COL17A1: variants seen among roughly 807,000 people sequenced by gnomAD.
COL17A1 encodes collagen alpha-1(XVII) chain.
Under a neutral mutation model 218.4 loss-of-function variants are expected in COL17A1, and 181 were observed. The observed-to-expected ratio is 0.83, with a 90% CI of 0.73 to 0.94. The LOEUF (loss-of-function observed/expected upper bound fraction) is 0.94, where lower values mean the gene tolerates loss of function less well. Among genes scored for constraint, COL17A1 ranks in the 40% least tolerant of loss-of-function variants. The pLI is 0.00. For synonymous variants in COL17A1, 721 were observed against 731.0 expected, an observed-to-expected ratio of 0.99 and a Z score of 0.22; for missense variants, 1,924 against 1,945.9, an observed-to-expected ratio of 0.99 and a Z score of 0.21.
At chr10:104,070,274 G>A in intron 9 of COL17A1, 152 bp downstream of exon 9, 3 of 1,493,612 alleles carry the variant, frequency 2.0e-6, no homozygotes, top group Non-Finnish European at 2.7e-6. Flanking sequence ...GTTGCTATTA[G>A]GGAAAGCCCT....
In COL17A1 at chr10:104,045,764, T is replaced by A. The variant is rs767013139; in HGVS notation, c.2392A>T (p.Ile798Leu). The change falls in exon 33 of 56, where the codon ATA becomes TTA. Residue 798 changes from isoleucine to leucine, a missense_variant. Ile to Leu is a conservative substitution (Grantham distance 5). Transcript: ENST00000648076. ...CATTTGGAAATTCACTTACCTTTTA[T>A]TCCTGGTCGGCCAGGGGTACCGGGA... ...GLPGTPGRPG[I>L]KGEPGAPGKI... 6.2e-6 allele frequency: 10 copies of A among 1,612,030 alleles called. No homozygotes were observed. The highest frequency in any genetic ancestry group is 7.6e-6 in the Non-Finnish European group (9 of 1,177,992).
In COL17A1 at chr10:104,033,043, A is replaced by C. The variant is rs1386635381; in HGVS notation, c.4295-75T>G. On this transcript the variant is annotated intron_variant, in intron 53 of 55. Transcript: ENST00000648076. ...TTGGGACATCAAGTCATTTGTTCAG[A>C]GTAACACAGAGAGATAGTGATGGAG... is the stretch of plus-strand genomic sequence containing the variant. 2.6e-6 allele frequency: 4 copies of C among 1,560,024 alleles called. No homozygotes were observed. The African/African-American group carries it at 5.4e-5, about 21-fold the overall frequency.
chr10:104,033,924 G>A, intron 52 of COL17A1, 21 bp downstream of exon 52: 1 of 1,614,048 alleles, frequency 6.2e-7, no homozygotes, highest in Non-Finnish European at 8.5e-7. Context: ...CCAGCACCAA[G>A]GCCTAAATGT....
At chr10:104,053,526 C>T (rs1345281016) in intron 22 of COL17A1, among the ~76,000 whole-genome samples, 1 of 151,966 alleles carries the variant, frequency 6.6e-6, no homozygotes, top group Non-Finnish European at 1.5e-5. Flanking sequence ...TTGGCTGCTC[C>T]CTCTGCCTGG....
intron 8 of COL17A1, 80 bp downstream of exon 8, chr10:104,071,952 G>T: frequency 4.5e-6 from 7 of 1,572,778 alleles, no homozygotes; most frequent in Non-Finnish European, 6.1e-6. Context: ...ACACACACAC[G>T]CATGCACACA....
At chr10:104,076,251 G>A (rs1349714169) in intron 5 of COL17A1, 50 bp downstream of exon 5, 1 of 1,612,394 alleles carries the variant, frequency 6.2e-7, no homozygotes, top group East Asian at 2.2e-5. Flanking sequence ...AATGAGTGAA[G>A]TTGCTTGGGG....
intron 12 of COL17A1, 47 bp downstream of exon 12, chr10:104,062,211 A>C (rs1339712508): frequency 6.2e-7 from 1 of 1,614,104 alleles, no homozygotes; most frequent in South Asian, 1.1e-5. Context: ...GTAGCTGCAA[A>C]GAGGTGTCAC....
rs181749452 is a variant in COL17A1 at position 104,048,226 on chromosome 10, C to T, written c.2228-122G>A. On this transcript the variant is annotated intron_variant, in intron 29 of 55. Coordinates refer to ENST00000648076, the MANE Select transcript of COL17A1 (RefSeq NM_000494.4). ...CAGGAGCCCACGCAGCCATCAGCCA[C>T]GGGACAGCCCTGTCTGTCACACTCT... is the stretch of plus-strand genomic sequence containing the variant. 90 of 973,024 alleles carry T rather than the reference C, an allele frequency of 9.2e-5. 2 individuals carry two copies. The highest frequency in any genetic ancestry group is 5.8e-4 in the South Asian group (45 of 78,040). The allele number at this position is 973,024 out of a possible 1,614,324, so 60.3% of individuals were successfully genotyped here.
chr10:104,044,475 C>G (rs561629359), intron 33 of COL17A1, among the ~76,000 whole-genome samples: 1 of 152,190 alleles, frequency 6.6e-6, no homozygotes, highest in African/African-American at 2.4e-5. Context: ...TGAGAACTGA[C>G]AATCCACGGA....
At chr10:104,036,910 G>C (rs1402155823) in intron 47 of COL17A1, 135 bp downstream of exon 47, 2 of 893,176 alleles carry the variant, frequency 2.2e-6, no homozygotes, top group African/African-American at 3.3e-5. Flanking sequence ...AGCAGTAAGT[G>C]GCTCTTTGTC....
intron 15 of COL17A1, chr10:104,059,178 CTT>C (rs2086558976): frequency 4.2e-6 from 1 of 236,708 alleles, no homozygotes; most frequent in Admixed American, 5.2e-5. Flanking sequence ...TGTTCTATGA[CTT>C]AACATTTTCC....
At chr10:104,047,949 C>T in intron 30 of COL17A1, 120 bp downstream of exon 30, 1 of 1,391,520 alleles carries the variant, frequency 7.2e-7, no homozygotes, top group Non-Finnish European at 1.0e-6. Context: ...CAGAACTGGA[C>T]ACTGCACACT....
Position 104,057,026 on chromosome 10 carries a change from G to A in COL17A1, c.1414C>T (p.Leu472=). The change falls in exon 17 of 56, where the codon CTG becomes TTG. Residue 472 remains leucine (L), a synonymous_variant. Coordinates refer to ENST00000648076, the MANE Select transcript of COL17A1 (RefSeq NM_000494.4). ...CCCAGGAGTAGCAGCCAGGTGAGCAGCAGGCCCAGCAGCCACTTCCACCAG... is the reference window on the plus strand; with the variant it reads ...CCCAGGAGTAGCAGCCAGGTGAGCAACAGGCCCAGCAGCCACTTCCACCAG... ...CSWWKWLLGL[L]LTWLLLLGLL... The A allele has an allele frequency of 2.5e-6, 4 of 1,597,352 alleles. No individual in the cohort carries two copies. Among genetic ancestry groups the A allele is most frequent in the Non-Finnish European group, 3.4e-6 (4 of 1,172,272 alleles).
intron 2 of COL17A1, among the ~76,000 whole-genome samples, chr10:104,079,666 G>T (rs977663877): frequency 1.3e-5 from 2 of 152,192 alleles, no homozygotes; most frequent in Non-Finnish European, 1.5e-5. Flanking sequence ...AGTGGCTCAC[G>T]CCTGTAATCC....
At chr10:104,051,340 C>A in intron 25 of COL17A1, 141 bp downstream of exon 25, 1 of 1,115,740 alleles carries the variant, frequency 9.0e-7, no homozygotes, top group East Asian at 2.6e-5. Context: ...ACAGGAGACA[C>A]ACATGCAGAC....
At chr10:104,078,465 C>G in intron 3 of COL17A1, 77 bp downstream of exon 3, 1 of 1,599,822 alleles carries the variant, frequency 6.3e-7, no homozygotes, top group Non-Finnish European at 8.5e-7. Context: ...TTTTGGAGCT[C>G]CCATGGAAAA....
chr10:104,056,095 T>TG, intron 17 of COL17A1, 92 bp from the exon 18 acceptor site: 1 of 1,472,828 alleles, frequency 6.8e-7, no homozygotes, highest in Middle Eastern at 1.8e-4. Flanking sequence ...CACAAGGGAT[T>TG]GGGGCCTGTG....
chr10:104,043,648 C>T (rs1407283801), intron 34 of COL17A1, 67 bp from the exon 35 acceptor site: 1 of 1,581,228 alleles, frequency 6.3e-7, no homozygotes, highest in South Asian at 1.1e-5. Flanking sequence ...GGGACCCAAG[C>T]CAGGTTGTGG....
At chr10:104,043,987 CA>C in intron 33 of COL17A1, 127 bp from the exon 34 acceptor site, 1 of 1,017,108 alleles carries the variant, frequency 9.8e-7, no homozygotes, top group Non-Finnish European at 1.6e-6. Context: ...AGGCTAAAGG[CA>C]TTTTAATGAA....
Sources: gnomAD v4.1 joint callset for allele counts (sites outside exome capture counted in the v4.1 genomes callset) on GRCh38, gnomAD v4.1.1 for gene constraint, MANE v1.5 for transcripts, NCBI Gene and HGNC (gene_info 2026-07-23, HGNC 2026-07-21) for gene names.